ATP13A5: variants seen among roughly 807,000 people sequenced by gnomAD.
ATP13A5 encodes ATPase 13A5.
ATP13A5 carries 149 observed loss-of-function variants against 150.2 expected under a neutral mutation model. The observed-to-expected ratio is 0.99, with a 90% confidence interval of 0.87 to 1.14. ATP13A5 has a LOEUF of 1.14. Among genes scored for constraint, ATP13A5 ranks in the 50% most tolerant of loss-of-function variants. The pLI, the probability that ATP13A5 is intolerant of heterozygous loss-of-function variation, is 0.00. For synonymous variants in ATP13A5, 497 were observed against 522.2 expected (o/e 0.95, Z 0.66); for missense variants, 1,383 against 1,449.3 (o/e 0.95, Z 0.74).
chr3:193,325,363 A>G (rs1719432138), intron 13 of ATP13A5, among the ~76,000 whole-genome samples: 1 of 152,218 alleles, frequency 6.6e-6, no homozygotes, highest in Non-Finnish European at 1.5e-5. Context: ...TGTTTTGCCT[A>G]CAGAGTTATC....
chr3:193,353,724 T>C (rs1712659491), intron 6 of ATP13A5, among the ~76,000 whole-genome samples: 1 of 152,162 alleles, frequency 6.6e-6, no homozygotes, highest in African/African-American at 2.4e-5. Context: ...CGCCCAGAAA[T>C]GGGTCCTCAC....
intron 8 of ATP13A5, 34 bp from the exon 9 acceptor site, chr3:193,344,089 C>T (rs749112224): frequency 1.2e-5 from 20 of 1,602,714 alleles, no homozygotes; most frequent in South Asian, 4.5e-5. Flanking sequence ...GAATAGCTGA[C>T]CTTTTCCTGT....
At chr3:193,275,425 A>G (rs1214159837) in intron 29 of ATP13A5, 123 bp from the exon 30 acceptor site, 1 of 1,109,120 alleles carries the variant, frequency 9.0e-7, no homozygotes, top group African/African-American at 1.6e-5. Context: ...TTGCTGTTGC[A>G]TCTACCTCTC....
chr3:193,378,316 A>G (rs567026396), intron 1 of ATP13A5, among the ~76,000 whole-genome samples: 31 of 152,198 alleles, frequency 2.0e-4, no homozygotes, highest in Non-Finnish European at 3.8e-4. Context: ...CTTGTTTTCA[A>G]TAGAGTTTGT....
intron 10 of ATP13A5, among the ~76,000 whole-genome samples, chr3:193,334,177 C>T (rs1025280492): frequency 6.6e-6 from 1 of 152,068 alleles, no homozygotes; most frequent in Non-Finnish European, 1.5e-5. Context: ...TCAGCTAGAA[C>T]AACTAAATCA....
chr3:193,327,151 T>A, intron 12 of ATP13A5, 94 bp from the exon 13 acceptor site: 2 of 1,087,524 alleles, frequency 1.8e-6, no homozygotes, highest in Non-Finnish European at 2.6e-6. Context: ...GATATTATAG[T>A]AGATCCAGTA....
chr3:193,344,089 C>A (rs749112224), intron 8 of ATP13A5, 34 bp from the exon 9 acceptor site: 48 of 1,602,716 alleles, frequency 3.0e-5, no homozygotes, highest in South Asian at 9.0e-5. Flanking sequence ...GAATAGCTGA[C>A]CTTTTCCTGT....
At chr3:193,358,080 G>A (rs751960162) in intron 5 of ATP13A5, among the ~76,000 whole-genome samples, 21 of 151,962 alleles carry the variant, frequency 1.4e-4, no homozygotes, top group African/African-American at 4.8e-4. Context: ...GGAAGGAAGG[G>A]CATGTTAGAA....
chr3:193,353,223 C>T (rs752266179), intron 6 of ATP13A5, among the ~76,000 whole-genome samples: 13 of 150,896 alleles, frequency 8.6e-5, no homozygotes, highest in Admixed American at 2.6e-4. Flanking sequence ...CACATAGGGG[C>T]CAACTGGAGG....
intron 11 of ATP13A5, among the ~76,000 whole-genome samples, chr3:193,332,582 G>C (rs1711676225): frequency 1.3e-5 from 2 of 152,108 alleles, no homozygotes; most frequent in Admixed American, 1.3e-4. Context: ...GGAAACATGG[G>C]ATTCAAGTTC....
intron 1 of ATP13A5, among the ~76,000 whole-genome samples, chr3:193,373,994 G>A (rs1713543477): frequency 6.6e-6 from 1 of 152,150 alleles, no homozygotes; most frequent in African/African-American, 2.4e-5. Context: ...GAATTGCTGG[G>A]CTTTGCAACT....
intron 18 of ATP13A5, 128 bp downstream of exon 18, chr3:193,314,844 C>G (rs1718987764): frequency 8.1e-7 from 1 of 1,231,402 alleles, no homozygotes; most frequent in African/African-American, 1.5e-5. Context: ...TAAGGGACTA[C>G]AGGGTAACAA....
At chr3:193,362,281 G>A in intron 5 of ATP13A5, 100 bp downstream of exon 5, 1 of 1,046,944 alleles carries the variant, frequency 9.6e-7, no homozygotes, top group Admixed American at 1.9e-5. Context: ...ACTATAACAA[G>A]CTGATGAAGC....
At chr3:193,312,832 T>C (rs147665260) in intron 19 of ATP13A5, 2,119 of 152,216 alleles carry the variant, frequency 0.014, 18 homozygotes, top group Non-Finnish European at 0.021. Context: ...TATCTCCAAT[T>C]GCAAAATAAC....
intron 9 of ATP13A5, among the ~76,000 whole-genome samples, chr3:193,336,636 T>A (rs1402211273): frequency 6.6e-6 from 1 of 152,202 alleles, no homozygotes; most frequent in Non-Finnish European, 1.5e-5. Context: ...CATTCTATCA[T>A]TGATGGGCAC....
intron 1 of ATP13A5, among the ~76,000 whole-genome samples, chr3:193,377,697 G>C (rs1713690774): frequency 6.6e-6 from 1 of 152,198 alleles, no homozygotes; most frequent in African/African-American, 2.4e-5. Context: ...AGGGAACCAG[G>C]ATGCCAGCCA....
chr3:193,372,452 A>G (rs755672546), intron 1 of ATP13A5, among the ~76,000 whole-genome samples: 2 of 152,144 alleles, frequency 1.3e-5, no homozygotes, highest in Admixed American at 1.3e-4. Context: ...TTTCTTTTAA[A>G]CAGTTCTTAC....
At chr3:193,275,445 G>C in intron 29 of ATP13A5, 143 bp from the exon 30 acceptor site, 1 of 964,326 alleles carries the variant, frequency 1.0e-6, no homozygotes, top group Non-Finnish European at 1.5e-6. Flanking sequence ...CCTTTCCCAA[G>C]TTCTGGAATT....
chr3:193,356,923 C>G (rs984926527), intron 5 of ATP13A5, among the ~76,000 whole-genome samples: 3 of 152,128 alleles, frequency 2.0e-5, no homozygotes, highest in African/African-American at 7.2e-5. Flanking sequence ...TCAAGCGATT[C>G]TCCTGCCTCA....
Sources: allele counts gnomAD v4.1 joint callset (sites outside exome capture counted in the v4.1 genomes callset), GRCh38; gene constraint gnomAD v4.1.1; transcripts MANE v1.5; gene names NCBI Gene and HGNC (gene_info 2026-07-23, HGNC 2026-07-21).